KCNG2: variants seen among roughly 807,000 people sequenced by gnomAD.
The protein encoded by KCNG2 is voltage-gated potassium channel regulatory subunit KCNG2.
KCNG2 carries 7 observed loss-of-function variants against 12.3 expected under a neutral mutation model. The ratio of observed to expected loss-of-function variants is 0.57; its 90% CI spans 0.32 to 1.07. The LOEUF (loss-of-function observed/expected upper bound fraction) is 1.07. Among genes scored for constraint, KCNG2 ranks in the 50% least tolerant of loss-of-function variants. The pLI, the probability that KCNG2 is intolerant of heterozygous loss-of-function variation, is 0.04. For missense variants in KCNG2, 703 were observed against 726.0 expected, an observed-to-expected ratio of 0.97 and a Z score of 0.36; for synonymous variants, 414 against 351.4, an observed-to-expected ratio of 1.18 and a Z score of -1.99.
intron 1 of KCNG2, among the ~76,000 whole-genome samples, chr18:79,839,219 C>T (rs534682067): frequency 1.3e-5 from 2 of 152,144 alleles, no homozygotes; most frequent in Non-Finnish European, 2.9e-5. Flanking sequence ...ATCACTTGAG[C>T]CCAGGTCAAG....
intron 3 of KCNG2, among the ~76,000 whole-genome samples, chr18:79,877,129 G>T (rs930092336): frequency 1.3e-5 from 2 of 152,192 alleles, no homozygotes; most frequent in African/African-American, 4.8e-5. Flanking sequence ...TTCATTTGAC[G>T]CAAGAGGCCT....
chr18:79,833,848 C>G (rs753911731), intron 1 of KCNG2, among the ~76,000 whole-genome samples: 1 of 152,232 alleles, frequency 6.6e-6, no homozygotes, highest in Non-Finnish European at 1.5e-5. Flanking sequence ...TGTGGCCAAA[C>G]TCTGCTCTGA....
At position 79,899,346 on chromosome 18, in the gene KCNG2, C is replaced by A; in HGVS notation, c.931C>A (p.Leu311Met). 6.4e-7 allele frequency: 1 copy of A among 1,553,876 alleles called. No individual in the cohort carries two copies. Among genetic ancestry groups the A allele is most frequent in the Non-Finnish European group, 8.6e-7 (1 of 1,157,710 alleles). ...GCGCCACTCGCTGGGGCTGCGTTCG[C>A]TGGGCCTGACCATGCGCCGCTGCGC... Reference protein sequence around the residue: ...LARHSLGLRSLGLTMRRCARE... With the variant: ...LARHSLGLRSMGLTMRRCARE... Residue 311 changes from leucine to methionine, a missense_variant, in exon 4 of 4, where the codon CTG becomes ATG. Leu to Met is a conservative substitution (Grantham distance 15, BLOSUM62 2). Coordinates refer to ENST00000316249, the MANE Select transcript of KCNG2 (RefSeq NM_012283.2).
chr18:79,860,343 T>C (rs1325475531), intron 2 of KCNG2, among the ~76,000 whole-genome samples: 1 of 152,234 alleles, frequency 6.6e-6, no homozygotes, highest in African/African-American at 2.4e-5. Flanking sequence ...TGGATTGGAT[T>C]GACTCTGTTG....
chr18:79,815,398 C>T (rs1010523751), intron 1 of KCNG2, among the ~76,000 whole-genome samples: 3 of 149,652 alleles, frequency 2.0e-5, no homozygotes, highest in African/African-American at 7.4e-5. Context: ...CAAGATTGCA[C>T]CACTGCACTC....
At chr18:79,889,788 C>T (rs1163233499) in intron 3 of KCNG2, among the ~76,000 whole-genome samples, 5 of 152,212 alleles carry the variant, frequency 3.3e-5, no homozygotes, top group Non-Finnish European at 7.3e-5. Context: ...CTGGAAGTGA[C>T]GAGAACAGAC....
chr18:79,888,184 G>A (rs1466098360), intron 3 of KCNG2, among the ~76,000 whole-genome samples: 1 of 150,810 alleles, frequency 6.6e-6, no homozygotes, highest in African/African-American at 2.4e-5. Flanking sequence ...AGGCCATGGG[G>A]AGCACCCGCC....
At chr18:79,878,539 C>T (rs1980170889) in intron 3 of KCNG2, among the ~76,000 whole-genome samples, 1 of 151,430 alleles carries the variant, frequency 6.6e-6, no homozygotes. Context: ...AAATCTTCCC[C>T]AAGGGCAGCC....
intron 1 of KCNG2, among the ~76,000 whole-genome samples, chr18:79,830,843 T>C (rs35539887): frequency 0.071 from 5,771 of 80,872 alleles, 562 homozygotes; most frequent in Non-Finnish European, 0.079. Flanking sequence ...AGGAGCGTTC[T>C]CTGCGGACAG....
rs541984854 is a variant in KCNG2 at position 79,805,134 on chromosome 18, G to A, written c.-115+7120G>A. 2.6e-5 allele frequency among the ~76,000 whole-genome samples: 4 copies of A among 152,278 alleles called. No individual in the cohort carries two copies. The South Asian group carries it at 8.3e-4, about 32-fold the overall frequency. ...AAATACCACTGTCATGGACGTATTT[G>A]TAGATACATCTTTGAAGAAACTTTG... is the stretch of plus-strand genomic sequence containing the variant. On this transcript the variant is annotated intron_variant, in intron 1 of 3. Transcript: ENST00000316249.
At chr18:79,802,234 A>G (rs1472477349) in intron 1 of KCNG2, among the ~76,000 whole-genome samples, 1 of 152,214 alleles carries the variant, frequency 6.6e-6, no homozygotes, top group South Asian at 2.1e-4. Context: ...GGATCCTTTC[A>G]CCTTTTCTCT....
At chr18:79,881,906 T>C (rs1390950605) in intron 3 of KCNG2, among the ~76,000 whole-genome samples, 2 of 152,034 alleles carry the variant, frequency 1.3e-5, no homozygotes, top group Non-Finnish European at 2.9e-5. Flanking sequence ...TAGAACCACA[T>C]GAATGGGGCC....
chr18:79,834,411 CG>C (rs752324562), intron 1 of KCNG2, among the ~76,000 whole-genome samples: 10 of 152,166 alleles, frequency 6.6e-5, no homozygotes, highest in Non-Finnish European at 8.8e-5. Context: ...CCATCATTTC[CG>C]GTACAAGGCC....
intron 3 of KCNG2, among the ~76,000 whole-genome samples, chr18:79,881,144 C>G (rs1359727861): frequency 2.0e-5 from 3 of 152,214 alleles, no homozygotes; most frequent in Non-Finnish European, 2.9e-5. Flanking sequence ...TATTGGAAAG[C>G]AAGAGAATAG....
intron 1 of KCNG2, among the ~76,000 whole-genome samples, chr18:79,826,446 C>T (rs906779875): frequency 6.6e-6 from 1 of 151,460 alleles, no homozygotes; most frequent in Admixed American, 6.6e-5. Flanking sequence ...AGGTTAGATT[C>T]GGCGCGTTAC....
intron 1 of KCNG2, among the ~76,000 whole-genome samples, chr18:79,838,372 AT>A (rs937523000): frequency 6.6e-5 from 10 of 152,100 alleles, no homozygotes; most frequent in African/African-American, 2.4e-4. Context: ...AACACTGGAA[AT>A]TTAAATCATA....
intron 3 of KCNG2, among the ~76,000 whole-genome samples, chr18:79,866,387 TGA>T (rs1172092836): frequency 8.7e-6 from 1 of 115,470 alleles, no homozygotes; most frequent in African/African-American, 3.3e-5. Flanking sequence ...GTCTGGGTGC[TGA>T]GAGGTCTGGG....
rs912056663 is a variant in KCNG2 at position 79,884,875 on chromosome 18, G to A, written c.625-14165G>A. ...AGAAACACAGTAGCGTGCGCGGGTC[G>A]GTGATGCAGCCAAGACACCATCCCT... is the stretch of plus-strand genomic sequence containing the variant. On this transcript the variant is annotated intron_variant, in intron 3 of 3. Coordinates refer to ENST00000316249, the MANE Select transcript of KCNG2 (RefSeq NM_012283.2). The surrounding 1 kb of genome is among the most constrained non-coding windows in gnomAD (Gnocchi z 5.5). Among the ~76,000 whole-genome samples, 46 of 152,276 alleles carry A rather than the reference G, an allele frequency of 3.0e-4. No homozygotes were observed. The highest frequency in any genetic ancestry group is 9.4e-4 in the African/African-American group (39 of 41,538).
Position 79,899,547 on chromosome 18 carries a change from C to T in KCNG2, c.1132C>T (p.Arg378Cys), listed in dbSNP as rs1267698576. ...CGTGGGCTACGGCGACATGGTCCCGCGCAGCCTGCCCGGGCAGGTGGTGGC... is the reference window on the plus strand; with the variant it reads ...CGTGGGCTACGGCGACATGGTCCCGTGCAGCCTGCCCGGGCAGGTGGTGGC... ...TTVGYGDMVP[R>C]SLPGQVVALS... The change falls in exon 4 of 4, where the codon CGC (arginine) becomes TGC (cysteine). Residue 378 changes from arginine (R) to cysteine (C), a missense_variant. Coordinates refer to ENST00000316249, the MANE Select transcript of KCNG2 (RefSeq NM_012283.2). The T allele has an allele frequency of 3.7e-6, 6 of 1,604,052 alleles. No homozygotes were observed. The South Asian group carries it at 5.6e-5, about 15-fold the overall frequency.
Sources: allele counts gnomAD v4.1 joint callset (sites outside exome capture counted in the v4.1 genomes callset), GRCh38; gene constraint gnomAD v4.1.1; non-coding constraint Gnocchi (gnomAD v3.1); transcripts MANE v1.5; gene names NCBI Gene and HGNC (gene_info 2026-07-23, HGNC 2026-07-21).